The following SLCO4C1 variants were observed in gnomAD, a reference collection of about 807,000 sequenced individuals.
SLCO4C1 encodes organic anion transporter M1.
SLCO4C1 carries 58 observed loss-of-function variants against 72.1 expected under a neutral mutation model. The ratio of observed to expected loss-of-function variants is 0.80; its 90% CI spans 0.65 to 1.00. The LOEUF (loss-of-function observed/expected upper bound fraction) is 1.00, where lower values mean the gene tolerates loss of function less well. SLCO4C1 is among the 50% of genes least tolerant of loss of function. SLCO4C1 has a pLI of 0.00. For missense variants in SLCO4C1, 898 were observed against 857.9 expected (o/e 1.05, Z -0.58); for synonymous variants, 297 against 312.5 (o/e 0.95, Z 0.52).
Position 102,250,716 on chromosome 5 carries a change from C to T in SLCO4C1, c.1470-928G>A, listed in dbSNP as rs1281653771. On this transcript the variant is annotated intron_variant, in intron 8 of 12. Coordinates refer to ENST00000310954, the MANE Select transcript of SLCO4C1 (RefSeq NM_180991.5). ...TTAAAAAATGAGTAAGAGGCTGGTG[C>T]GGTGGCTTACACCTGTAATCCCAGC... Among the ~76,000 whole-genome samples the T allele has an allele frequency of 4.6e-5, 7 of 152,094 alleles. 1 individual carries two copies. Among genetic ancestry groups the T allele is most frequent in the African/African-American group, 7.2e-5 (3 of 41,416 alleles).
chr5:102,291,226 T>G, intron 2 of SLCO4C1, 117 bp downstream of exon 2: 1 of 1,010,428 alleles, frequency 9.9e-7, no homozygotes, highest in Non-Finnish European at 1.5e-6. Context: ...ACCAGTGAGG[T>G]GTGGAAGAGA....
Position 102,240,715 on chromosome 5 carries a change from T to C in SLCO4C1, c.1876+3A>G, listed in dbSNP as rs750649110. On this transcript the variant is annotated splice_donor_region_variant and intron_variant, in intron 11 of 12. Coordinates refer to ENST00000310954, the MANE Select transcript of SLCO4C1 (RefSeq NM_180991.5). ...TAGCAATGAATAAAGAAAAATGGCATACCTAATAATCGAAGGACCATAAAT... is the reference window on the plus strand; with the variant it reads ...TAGCAATGAATAAAGAAAAATGGCACACCTAATAATCGAAGGACCATAAAT... 3 of 1,608,522 alleles carry C rather than the reference T, an allele frequency of 1.9e-6. No homozygotes were observed. The highest frequency in any genetic ancestry group is 1.7e-4 in the Middle Eastern group (1 of 6,030).
rs1016210486 is a variant in SLCO4C1 at position 102,296,091 on chromosome 5, A to C, written c.172T>G (p.Ser58Ala). ...GCTGAAGGCAGAGATGGCTCTGGTG[A>C]CTTCTGGGGCTCCTGGGGCTTCTGA... ...ELQKPQEPQK[S>A]PEPSLPSAPP... is the part of the protein sequence containing the mutation. Residue 58 changes from serine to alanine, a missense_variant, in exon 1 of 13, where the codon TCA (serine) becomes GCA (alanine). Ser to Ala is a moderately conservative substitution (Grantham distance 99). Coordinates refer to ENST00000310954, the MANE Select transcript of SLCO4C1 (RefSeq NM_180991.5). The C allele has an allele frequency of 1.1e-5, 18 of 1,614,018 alleles. No homozygotes were observed. Among genetic ancestry groups the C allele is most frequent in the Non-Finnish European group, 1.5e-5 (18 of 1,180,012 alleles).
intron 2 of SLCO4C1, among the ~76,000 whole-genome samples, chr5:102,271,273 G>A (rs1476879064): frequency 1.3e-5 from 2 of 151,628 alleles, no homozygotes; most frequent in African/African-American, 4.8e-5. Context: ...TAGCATAAAT[G>A]TCCTGTAATT....
chr5:102,265,600 A>G (rs1448890842), intron 3 of SLCO4C1, among the ~76,000 whole-genome samples: 1 of 152,014 alleles, frequency 6.6e-6, no homozygotes, highest in Non-Finnish European at 1.5e-5. Flanking sequence ...TGGTATCTTT[A>G]GCAAAAATCA....
At chr5:102,242,365 C>G (rs1748561226) in intron 10 of SLCO4C1, among the ~76,000 whole-genome samples, 1 of 152,170 alleles carries the variant, frequency 6.6e-6, no homozygotes, top group Non-Finnish European at 1.5e-5. Flanking sequence ...ACAGCTGGGA[C>G]AGACAATGGA....
Position 102,291,426 on chromosome 5 carries a change from G to C in SLCO4C1, c.536C>G (p.Ala179Gly), listed in dbSNP as rs1381597248. ...GHKPRWLAFAAFMIGLGALVF... is the reference protein window; with the variant it reads ...GHKPRWLAFAGFMIGLGALVF... The stretch of plus-strand genomic sequence containing the variant: ...AAGTGCTCCCAGTCCAATCATAAAG[G>C]CTGCAAATGCAAGCCATCTCGGCTT... Residue 179 changes from alanine (A) to glycine (G), a missense_variant, in exon 2 of 13, where the codon GCC becomes GGC. Transcript: ENST00000310954. The C allele has an allele frequency of 1.2e-6, 2 of 1,614,036 alleles. No homozygotes were observed. Among genetic ancestry groups the C allele is most frequent in the East Asian group, 4.5e-5 (2 of 44,860 alleles).
At chr5:102,239,499 T>C (rs1019950116) in intron 11 of SLCO4C1, 111 bp from the exon 12 acceptor site, 6 of 712,020 alleles carry the variant, frequency 8.4e-6, no homozygotes, top group Non-Finnish European at 1.2e-5. Context: ...TAAGTATTCA[T>C]CTGTCCACAT....
Position 102,237,033 on chromosome 5 carries a change from A to AT in SLCO4C1, c.2015-16_2015-15insA. 1.9e-6 allele frequency: 3 copies of AT among 1,558,628 alleles called. No homozygotes were observed. The highest frequency in any genetic ancestry group is 2.6e-6 in the Non-Finnish European group (3 of 1,161,544). On this transcript the variant is annotated splice_polypyrimidine_tract_variant and intron_variant, in intron 12 of 12. Transcript: ENST00000310954. Reference sequence around the variant, plus strand: ...ACAAGTAACACCTAAGTGAAAAAAAAAATTAATCATGTGCTTTTGTTTTTA... The same window carrying AT: ...ACAAGTAACACCTAAGTGAAAAAAAATAATTAATCATGTGCTTTTGTTTTTA...
intron 8 of SLCO4C1, among the ~76,000 whole-genome samples, chr5:102,255,094 C>CCT (rs879574061): frequency 0.011 from 1,658 of 152,200 alleles, 15 homozygotes; most frequent in Non-Finnish European, 0.019. Context: ...TATCTATATA[C>CCT]ACACACATAC....
At chr5:102,288,341 A>C (rs972245324) in intron 2 of SLCO4C1, among the ~76,000 whole-genome samples, 1 of 152,168 alleles carries the variant, frequency 6.6e-6, no homozygotes, top group African/African-American at 2.4e-5. Context: ...CAGCTGATCA[A>C]GCCAAATACC....
Position 102,270,872 on chromosome 5 carries a change from A to T in SLCO4C1, c.620-66T>A, listed in dbSNP as rs894955830. On this transcript the variant is annotated intron_variant, in intron 2 of 12. Coordinates refer to ENST00000310954, the MANE Select transcript of SLCO4C1 (RefSeq NM_180991.5). ...TAATAATTTAAATTTCTATCATATAAATTACACTTGCCTAATATAATATAA... is the reference window on the plus strand; with the variant it reads ...TAATAATTTAAATTTCTATCATATATATTACACTTGCCTAATATAATATAA... 4.0e-6 allele frequency: 5 copies of T among 1,243,562 alleles called. No homozygotes were observed. In the African/African-American group the frequency reaches 7.7e-5, roughly 19 times the overall value. The allele number at this position is 1,243,562 out of a possible 1,614,324, so 77.0% of individuals were successfully genotyped here.
At chr5:102,288,787 C>A (rs1302520682) in intron 2 of SLCO4C1, among the ~76,000 whole-genome samples, 1 of 152,206 alleles carries the variant, frequency 6.6e-6, no homozygotes, top group African/African-American at 2.4e-5. Context: ...CTTCACTATC[C>A]AGATATTATC....
intron 3 of SLCO4C1, among the ~76,000 whole-genome samples, chr5:102,267,650 T>TCTA (rs34780088): frequency 0.75 from 111,247 of 148,152 alleles, 41,859 homozygotes; most frequent in Middle Eastern, 0.84. Flanking sequence ...TTTCTTTCCT[T>TCTA]CTAATTTTGG....
At chr5:102,239,149 T>G in intron 12 of SLCO4C1, 102 bp downstream of exon 12, 1 of 1,076,054 alleles carries the variant, frequency 9.3e-7, no homozygotes, top group Non-Finnish European at 1.3e-6. Flanking sequence ...CAATGTGGAC[T>G]GAACATTTCA....
At chr5:102,270,104 A>G (rs1749121713) in intron 3 of SLCO4C1, among the ~76,000 whole-genome samples, 1 of 152,182 alleles carries the variant, frequency 6.6e-6, no homozygotes, top group Admixed American at 6.5e-5. Context: ...TAAAGTATTC[A>G]ATAATTAGAT....
chr5:102,252,093 G>A (rs945910097), intron 8 of SLCO4C1, among the ~76,000 whole-genome samples: 3 of 150,490 alleles, frequency 2.0e-5, no homozygotes, highest in Admixed American at 6.7e-5. Flanking sequence ...AGGGAAGAAG[G>A]GAGGAAGGGA....
intron 2 of SLCO4C1, among the ~76,000 whole-genome samples, chr5:102,272,004 A>C (rs1260191120): frequency 2.0e-5 from 3 of 152,164 alleles, no homozygotes; most frequent in Non-Finnish European, 2.9e-5. Flanking sequence ...AGCCAATTAG[A>C]TCAGCTCTGG....
intron 2 of SLCO4C1, among the ~76,000 whole-genome samples, chr5:102,282,162 T>C (rs1157804550): frequency 6.6e-6 from 1 of 152,038 alleles, no homozygotes; most frequent in African/African-American, 2.4e-5. Context: ...AAATATTATA[T>C]ACCGTATAAT....
Sources: gnomAD v4.1 joint callset for allele counts (sites outside exome capture counted in the v4.1 genomes callset) on GRCh38, gnomAD v4.1.1 for gene constraint, MANE v1.5 for transcripts, NCBI Gene and HGNC (gene_info 2026-07-23, HGNC 2026-07-21) for gene names.